Variants in CCDC73 observed in about 807,000 individuals in gnomAD.
CCDC73 encodes the protein coiled-coil domain-containing protein 73.
A neutral mutation model predicts 116.5 loss-of-function variants in CCDC73; 95 were observed. The ratio of observed to expected loss-of-function variants is 0.82; its 90% confidence interval spans 0.69 to 0.97. The LOEUF is 0.97. Ranked by LOEUF, CCDC73 falls within the 50% of genes least tolerant of loss-of-function variation. The pLI, the probability that CCDC73 is intolerant of heterozygous loss-of-function variation, is 0.00. For synonymous variants in CCDC73, 398 were observed against 401.3 expected (o/e 0.99, Z 0.10); for missense variants, 1,066 against 1,206.8 (o/e 0.88, Z 1.73).
chr11:32,755,536 AAT>A (rs375204188), intron 2 of CCDC73, among the ~76,000 whole-genome samples: 15,718 of 59,846 alleles, frequency 0.26, 3,011 homozygotes, highest in Non-Finnish European at 0.3. Context: ...TCCATCTCAA[AAT>A]ATATATATAT....
At chr11:32,645,751 A>T (rs1309372332) in intron 12 of CCDC73, among the ~76,000 whole-genome samples, 1 of 152,190 alleles carries the variant, frequency 6.6e-6, no homozygotes, top group African/African-American at 2.4e-5. Flanking sequence ...GTTTGTTTAT[A>T]CTAGCATTAC....
intron 2 of CCDC73, among the ~76,000 whole-genome samples, chr11:32,744,888 T>C (rs1304759455): frequency 1.3e-5 from 2 of 152,224 alleles, no homozygotes; most frequent in Non-Finnish European, 2.9e-5. Context: ...GAAGGGTTTT[T>C]TGTATCTCTA....
the CCDC73 span, among the ~76,000 whole-genome samples, chr11:32,812,254 G>A: frequency 6.6e-6 from 1 of 152,196 alleles, no homozygotes; most frequent in Non-Finnish European, 1.5e-5. Flanking sequence ...ATGGCTGGGT[G>A]CGGTGGCTCA....
rs115961310 is a variant in CCDC73, at chr11:32,606,537, T to C, written c.3031-3517A>G. ...GAAGCTTACCATAGTACTTGGCACA[T>C]AGTAATAAGCACTTAGAAAATGTCT... On this transcript the variant is annotated intron_variant, in intron 17 of 17. Transcript: ENST00000335185. 3.6e-3 allele frequency among the ~76,000 whole-genome samples: 551 copies of C among 152,344 alleles called. 3 individuals are homozygous for C. Among genetic ancestry groups the C allele is most frequent in the African/African-American group, 0.013 (525 of 41,582 alleles).
rs11309519 is a variant in CCDC73 at position 32,658,023 on chromosome 11, T to TAAAAAA, written c.646-3057_646-3052dup. 5.4e-3 allele frequency among the ~76,000 whole-genome samples: 723 copies of TAAAAAA among 132,988 alleles called. 9 individuals carry two copies. The highest frequency in any genetic ancestry group is 0.02 in the African/African-American group (701 of 34,712). The allele number at this position is 132,988 out of a possible 152,430, so 87.2% of individuals were successfully genotyped here. ...AACCCACCCCCTACCCTAGTCTCTT[T>TAAAAAA]AAAAAAAAAAAAGAAAAAGAAAAAA... On this transcript the variant is annotated intron_variant, in intron 9 of 17. Transcript: ENST00000335185.
At chr11:32,747,874 G>A (rs7924496) in intron 2 of CCDC73, among the ~76,000 whole-genome samples, 41,214 of 152,164 alleles carry the variant, frequency 0.27, 6,457 homozygotes, top group East Asian at 0.79. Context: ...GGCTAGGAAA[G>A]GAAAATCCCC....
the CCDC73 span, among the ~76,000 whole-genome samples, chr11:32,805,874 C>T: frequency 6.6e-6 from 1 of 152,160 alleles, no homozygotes; most frequent in South Asian, 2.1e-4. Flanking sequence ...CAGGCCTATA[C>T]TCAAGTATAG....
chr11:32,732,952 C>T (rs556788079), intron 2 of CCDC73, among the ~76,000 whole-genome samples: 10 of 152,172 alleles, frequency 6.6e-5, no homozygotes, highest in African/African-American at 1.9e-4. Flanking sequence ...CTAAATGCTC[C>T]AATTAAAAGA....
chr11:32,645,948 T>C (rs999308965), intron 12 of CCDC73, among the ~76,000 whole-genome samples: 8 of 152,344 alleles, frequency 5.3e-5, no homozygotes, highest in African/African-American at 1.9e-4. Flanking sequence ...ATTTATAGTG[T>C]GTATAATAGA....
chr11:32,635,781 G>A lies in CCDC73; in HGVS notation c.1100C>T (p.Ser367Phe). The change falls in exon 14 of 18, where the codon TCC (serine) becomes TTC (phenylalanine). Residue 367 changes from serine (S) to phenylalanine (F), a missense_variant. Physicochemically the swap from Ser to Phe is radical, Grantham distance 155 (BLOSUM62 -2). Coordinates refer to ENST00000335185, the MANE Select transcript of CCDC73 (RefSeq NM_001008391.4). ...TAACTTAATATGAGTTTCTTTAAGGGATGATAATTCATTTTTAATCTTATT... is the reference window on the plus strand; with the variant it reads ...TAACTTAATATGAGTTTCTTTAAGGAATGATAATTCATTTTTAATCTTATT... Reference protein sequence around the residue: ...EINKIKNELSSLKETHIKLQE... With the variant: ...EINKIKNELSFLKETHIKLQE... The A allele has an allele frequency of 8.0e-7, 1 of 1,252,292 alleles. No individual in the cohort carries two copies. The highest frequency in any genetic ancestry group is 2.9e-5 in the East Asian group (1 of 33,900). The allele number at this position is 1,252,292 out of a possible 1,614,324, so 77.6% of individuals were successfully genotyped here.
intron 7 of CCDC73, among the ~76,000 whole-genome samples, chr11:32,678,089 G>A (rs1277824754): frequency 6.6e-6 from 1 of 151,760 alleles, no homozygotes; most frequent in African/African-American, 2.4e-5. Flanking sequence ...GACCAGCCTG[G>A]CCAACATAGT....
chr11:32,652,084 A>G (rs1187599583), intron 12 of CCDC73, among the ~76,000 whole-genome samples: 2 of 152,068 alleles, frequency 1.3e-5, no homozygotes, highest in Non-Finnish European at 2.9e-5. Context: ...TCCTTTTTGA[A>G]ATTTGTAGAC....
chr11:32,624,885 CATGG>C (rs1357042827), intron 14 of CCDC73, among the ~76,000 whole-genome samples: 3 of 152,182 alleles, frequency 2.0e-5, no homozygotes, highest in African/African-American at 7.2e-5. Flanking sequence ...TTTGTAGGGA[CATGG>C]ATGAAGGTGG....
intron 2 of CCDC73, among the ~76,000 whole-genome samples, chr11:32,725,826 A>T (rs1249275544): frequency 1.3e-5 from 2 of 152,204 alleles, no homozygotes; most frequent in Non-Finnish European, 2.9e-5. Flanking sequence ...GATAATCAGC[A>T]TCTGATAGTT....
At chr11:32,639,156 C>CG (rs1170185143) in intron 13 of CCDC73, among the ~76,000 whole-genome samples, 1 of 82,138 alleles carries the variant, frequency 1.2e-5, no homozygotes, top group Non-Finnish European at 3.1e-5. Flanking sequence ...TTCCCCGACA[C>CG]CCCCCCCAAA....
intron 7 of CCDC73, chr11:32,682,636 T>C (rs1038372791): frequency 2.6e-5 from 4 of 151,938 alleles, no homozygotes; most frequent in Non-Finnish European, 5.9e-5. Context: ...CTGAATAGCA[T>C]AGCCCCACCC....
intron 6 of CCDC73, among the ~76,000 whole-genome samples, chr11:32,694,931 G>A (rs1856295247): frequency 6.6e-6 from 1 of 152,204 alleles, no homozygotes; most frequent in Non-Finnish European, 1.5e-5. Context: ...AGAGAACCGT[G>A]AAAGGGGGCT....
chr11:32,628,525 C>T (rs926320347), intron 14 of CCDC73, among the ~76,000 whole-genome samples: 1 of 152,142 alleles, frequency 6.6e-6, no homozygotes, highest in African/African-American at 2.4e-5. Flanking sequence ...TCTAGGTAAA[C>T]TCTGAGTTCC....
chr11:32,771,482 A>C (rs1327482608), intron 1 of CCDC73, among the ~76,000 whole-genome samples: 1 of 152,138 alleles, frequency 6.6e-6, no homozygotes, highest in Non-Finnish European at 1.5e-5. Context: ...AAATGCCACT[A>C]TTCCTCCCCT....
Sources: allele counts gnomAD v4.1 joint callset (sites outside exome capture counted in the v4.1 genomes callset), GRCh38; gene constraint gnomAD v4.1.1; transcripts MANE v1.5; gene names NCBI Gene and HGNC (gene_info 2026-07-23, HGNC 2026-07-21).